BIRC6: variants seen among roughly 807,000 people sequenced by gnomAD.
BIRC6 encodes the protein dual E2 ubiquitin-conjugating enzyme/E3 ubiquitin-protein ligase BIRC6.
In BIRC6, 98 loss-of-function variants were observed where a neutral mutation model predicts 503.3. The observed-to-expected ratio is 0.19, with a 90% confidence interval of 0.17 to 0.23. The LOEUF is 0.23. Among genes scored for constraint, BIRC6 ranks in the 10% least tolerant of loss-of-function variants. The probability of loss-of-function intolerance (pLI) is 1.00; values close to 1 mark genes in which losing one functional copy is unlikely to be tolerated. For missense variants in BIRC6, 5,360 were observed against 5,806.0 expected (o/e 0.92, Z 2.50); for synonymous variants, 2,240 against 2,078.7 (o/e 1.08, Z -2.11).
intron 6 of BIRC6, among the ~76,000 whole-genome samples, chr2:32,399,939 T>G (rs1000836519): frequency 1.3e-5 from 2 of 151,916 alleles, no homozygotes; most frequent in African/African-American, 4.8e-5. Flanking sequence ...AGGCACATGC[T>G]ACCACACCCA....
chr2:32,418,022 C>T (rs187181632), intron 10 of BIRC6, among the ~76,000 whole-genome samples: 12 of 152,132 alleles, frequency 7.9e-5, no homozygotes, highest in South Asian at 4.1e-4. Context: ...TCGAGCGATC[C>T]GTCTGCCTTG....
In BIRC6 at chr2:32,549,303, C is replaced by A; in HGVS notation, c.12976-10C>A. 3 of 1,424,684 alleles carry A rather than the reference C, an allele frequency of 2.1e-6. No individual in the cohort carries two copies. The highest frequency in any genetic ancestry group is 1.9e-6 in the Non-Finnish European group (2 of 1,072,102). The allele number at this position is 1,424,684 out of a possible 1,614,324, so 88.3% of individuals were successfully genotyped here. ...AAACTGAAATCCAAATTAATTTCAA[C>A]AATTTTTAGGTTCTTGCCAGTTACA... On this transcript the variant is annotated splice_polypyrimidine_tract_variant and intron_variant, in intron 64 of 73. Coordinates refer to ENST00000421745, the MANE Select transcript of BIRC6 (RefSeq NM_016252.4).
chr2:32,592,410 A>G (rs1395476122), intron 66 of BIRC6, among the ~76,000 whole-genome samples: 1 of 152,162 alleles, frequency 6.6e-6, no homozygotes, highest in Non-Finnish European at 1.5e-5. Flanking sequence ...CATTGTAGGA[A>G]CCAAATTCAA....
At chr2:32,531,259 A>G in intron 60 of BIRC6, 96 bp from the exon 61 acceptor site, 3 of 1,010,710 alleles carry the variant, frequency 3.0e-6, no homozygotes, top group African/African-American at 1.6e-5. Flanking sequence ...TTTTTTGAGT[A>G]GCAAGAAAGC....
In BIRC6 at chr2:32,441,371, C is replaced by T. The variant is rs767449550; in HGVS notation, c.3853C>T (p.Arg1285Cys). The change falls in exon 17 of 74, where the codon CGT becomes TGT. Residue 1285 changes from arginine (R) to cysteine (C), a missense_variant. Transcript: ENST00000421745. ...NVKNENTSGT[R>C]KSENLRGCDL... Reference sequence around the variant, plus strand: ...TAAGAATGAAAATACAAGTGGCACCCGTAAATCTGAAAACCTCCGGGGCTG... The same window carrying T: ...TAAGAATGAAAATACAAGTGGCACCTGTAAATCTGAAAACCTCCGGGGCTG... 42 of 1,601,714 alleles carry T rather than the reference C, an allele frequency of 2.6e-5. No homozygotes were observed. The East Asian group carries it at 2.9e-4, about 11-fold the overall frequency.
At chr2:32,531,120 A>C (rs2056714366) in intron 60 of BIRC6, among the ~76,000 whole-genome samples, 1 of 152,194 alleles carries the variant, frequency 6.6e-6, no homozygotes, top group Non-Finnish European at 1.5e-5. Flanking sequence ...AGGTGATGCC[A>C]ATACTACTAG....
At chr2:32,468,397 C>A in intron 28 of BIRC6, 40 bp from the exon 29 acceptor site, 1 of 1,431,858 alleles carries the variant, frequency 7.0e-7, no homozygotes, top group Non-Finnish European at 9.5e-7. Flanking sequence ...ATAAAGAGGA[C>A]ATTACAAGAA....
At position 32,357,233 on chromosome 2, in the gene BIRC6, C is replaced by T; in HGVS notation, c.72C>T (p.Ser24=). The stretch of plus-strand genomic sequence containing the variant: ...CGCTTCCCAGTGTGATTGTGCTGAG[C>T]GCAGGCCGGAAGATGGCGGCTGCGG... ...TEPLPSVIVL[S]AGRKMAAAAA... is the part of the protein sequence containing the mutation. Residue 24 remains serine, a synonymous_variant, in exon 1 of 74, where the codon AGC becomes AGT. Coordinates refer to ENST00000421745, the MANE Select transcript of BIRC6 (RefSeq NM_016252.4). The surrounding 1 kb of genome is among the most constrained non-coding windows in gnomAD (Gnocchi z 4.9). The T allele has an allele frequency of 6.5e-7, 1 of 1,528,332 alleles. No individual in the cohort carries two copies. 94.7% of individuals were successfully genotyped at this position (1,528,332 alleles called of 1,614,324 possible).
chr2:32,472,072 C>A (rs932569405), intron 32 of BIRC6, among the ~76,000 whole-genome samples: 3 of 152,126 alleles, frequency 2.0e-5, no homozygotes, highest in Non-Finnish European at 2.9e-5. Flanking sequence ...AATAAAACTA[C>A]ATTCATATTG....
chr2:32,480,559 A>G (rs1422037676), intron 37 of BIRC6, among the ~76,000 whole-genome samples: 3 of 150,630 alleles, frequency 2.0e-5, no homozygotes, highest in Admixed American at 6.6e-5. Flanking sequence ...AGCTACTTAA[A>G]AATTTGGAGA....
At chr2:32,546,382 C>G (rs1304741677) in intron 63 of BIRC6, among the ~76,000 whole-genome samples, 2 of 152,050 alleles carry the variant, frequency 1.3e-5, no homozygotes, top group African/African-American at 2.4e-5. Context: ...GAGTTCGAGA[C>G]TAGCCTGGCT....
At chr2:32,407,507 G>GGAA (rs1288999103) in intron 9 of BIRC6, among the ~76,000 whole-genome samples, 3 of 151,648 alleles carry the variant, frequency 2.0e-5, no homozygotes, top group Non-Finnish European at 4.4e-5. Flanking sequence ...GTAGTGCCTG[G>GGAA]GAAGTACCCA....
At chr2:32,435,685 G>C (rs1401775403) in intron 14 of BIRC6, 100 bp downstream of exon 14, 1 of 1,265,942 alleles carries the variant, frequency 7.9e-7, no homozygotes, top group African/African-American at 1.5e-5. Flanking sequence ...CAAAAACTTG[G>C]TTTCAAGAAC....
chr2:32,456,253 A>T (rs188605597), intron 23 of BIRC6, among the ~76,000 whole-genome samples: 1 of 152,332 alleles, frequency 6.6e-6, no homozygotes, highest in Non-Finnish European at 1.5e-5. Flanking sequence ...TAAGGTCTGT[A>T]TAACATAGAA....
chr2:32,537,737 C>A (rs1355356256), intron 61 of BIRC6, among the ~76,000 whole-genome samples: 1 of 152,090 alleles, frequency 6.6e-6, no homozygotes, highest in Non-Finnish European at 1.5e-5. Context: ...GAGGCCGAGG[C>A]GGGCGGATCA....
intron 10 of BIRC6, among the ~76,000 whole-genome samples, chr2:32,425,820 G>A (rs2043424942): frequency 6.6e-6 from 1 of 152,180 alleles, no homozygotes. Flanking sequence ...GGAACTGCTA[G>A]ACCAACCAAA....
At chr2:32,462,185 T>C (rs1473139816) in intron 23 of BIRC6, among the ~76,000 whole-genome samples, 1 of 152,244 alleles carries the variant, frequency 6.6e-6, no homozygotes, top group East Asian at 1.9e-4. Flanking sequence ...ATAGCAGTTA[T>C]CTTTTCCCTC....
chr2:32,396,133 A>G (rs1346944820), intron 6 of BIRC6, among the ~76,000 whole-genome samples: 1 of 152,176 alleles, frequency 6.6e-6, no homozygotes, highest in Non-Finnish European at 1.5e-5. Context: ...TTTATATAAG[A>G]TGGTATACTA....
intron 72 of BIRC6, 57 bp downstream of exon 72, chr2:32,607,700 G>C: frequency 1.4e-6 from 2 of 1,429,232 alleles, no homozygotes; most frequent in Non-Finnish European, 9.5e-7. Flanking sequence ...AATATAGGCT[G>C]GGCATGGTGG....
Sources: gnomAD v4.1 joint callset for allele counts (sites outside exome capture counted in the v4.1 genomes callset) on GRCh38, gnomAD v4.1.1 for gene constraint, Gnocchi (gnomAD v3.1) non-coding constraint, MANE v1.5 for transcripts, NCBI Gene and HGNC (gene_info 2026-07-23, HGNC 2026-07-21) for gene names.